The following LEPR variants were observed in gnomAD, a reference collection of about 807,000 sequenced individuals.
LEPR encodes OB receptor.
In LEPR, 56 loss-of-function variants were observed where a neutral mutation model predicts 114.7. That is an observed-to-expected ratio of 0.49 (90% CI 0.39 to 0.61). LEPR has a LOEUF of 0.61. Among genes scored for constraint, LEPR ranks in the 20% least tolerant of loss-of-function variants. LEPR has a pLI of 0.00. For missense variants in LEPR, 1,202 were observed against 1,352.9 expected, an observed-to-expected ratio of 0.89 and a Z score of 1.75; for synonymous variants, 443 against 461.4, an observed-to-expected ratio of 0.96 and a Z score of 0.51.
chr1:65,454,516 G>A (rs1316525062), intron 2 of LEPR, among the ~76,000 whole-genome samples: 2 of 152,054 alleles, frequency 1.3e-5, no homozygotes, highest in Non-Finnish European at 2.9e-5. Context: ...TGTCTGTAAA[G>A]TATTTTATTT....
chr1:65,520,395 C>T (rs1166823013), intron 2 of LEPR, among the ~76,000 whole-genome samples: 4 of 152,148 alleles, frequency 2.6e-5, no homozygotes, highest in East Asian at 1.9e-4. Flanking sequence ...TTATTATTTT[C>T]GCATCCCTCT....
intron 2 of LEPR, among the ~76,000 whole-genome samples, chr1:65,516,838 C>T (rs1649311334): frequency 6.6e-6 from 1 of 152,134 alleles, no homozygotes; most frequent in Non-Finnish European, 1.5e-5. Context: ...ATGTAAGTGC[C>T]TCTGTACCCA....
chr1:65,596,506 G>C lies in LEPR; in HGVS notation c.762G>C (p.Lys254Asn), dbSNP rs1656074209. 1 of 1,612,772 alleles carries C rather than the reference G, an allele frequency of 6.2e-7. No individual in the cohort carries two copies. The highest frequency in any genetic ancestry group is 1.1e-5 in the South Asian group (1 of 91,044). Residue 254 changes from lysine (K) to asparagine (N), a missense_variant, in exon 7 of 20, where the codon AAG becomes AAC. Lys to Asn is a moderately conservative substitution (Grantham distance 94, BLOSUM62 0). Transcript: ENST00000349533. ...HMEITDDGNL[K>N]ISWSSPPLVP... is the part of the protein sequence containing the mutation. ...AAATCACAGATGATGGTAATTTAAA[G>C]ATTTCTTGGTCCAGCCCACCATTGG...
intron 2 of LEPR, among the ~76,000 whole-genome samples, chr1:65,484,095 G>A (rs1647353286): frequency 6.6e-6 from 1 of 151,910 alleles, no homozygotes; most frequent in South Asian, 2.1e-4. Context: ...AGCTTCAAGA[G>A]ATCCTCTTGC....
intron 10 of LEPR, among the ~76,000 whole-genome samples, chr1:65,603,339 A>G (rs1656578952): frequency 7.1e-6 from 1 of 140,158 alleles, no homozygotes; most frequent in Admixed American, 7.4e-5. Context: ...TTGCCCACGC[A>G]CCACCATTTA....
At chr1:65,429,977 G>T (rs1229840242) in intron 2 of LEPR, 6 of 1,578,280 alleles carry the variant, frequency 3.8e-6, no homozygotes, top group East Asian at 2.3e-5. Flanking sequence ...TCGGGAACTG[G>T]CATATTTCTT....
chr1:65,438,113 C>CTTTTTT lies in LEPR; in HGVS notation c.-21+12751_-21+12756dup, dbSNP rs36053447. On this transcript the variant is annotated intron_variant, in intron 2 of 19. Transcript: ENST00000349533. ...GGTATGGGCCATGGCTCCTAGCCGC[C>CTTTTTT]TTTTTTTTTTTTTTTTTTTTTCAAA... Among the ~76,000 whole-genome samples, 8 of 87,752 alleles carry CTTTTTT rather than the reference C, an allele frequency of 9.1e-5. 2 individuals are homozygous for CTTTTTT. Among genetic ancestry groups the CTTTTTT allele is most frequent in the African/African-American group, 1.4e-4 (3 of 21,062 alleles). The allele number at this position is 87,752 out of a possible 152,430, so 57.6% of individuals were successfully genotyped here. A position where few individuals can be genotyped will look rare whatever the true frequency, so the allele number is the denominator to read the frequency against.
At chr1:65,429,907 C>A in intron 2 of LEPR, 1 of 1,540,060 alleles carries the variant, frequency 6.5e-7, no homozygotes, top group South Asian at 1.2e-5. Flanking sequence ...CCATCTCCCC[C>A]ATCCCCCATT....
rs923920585 is a variant in LEPR, at chr1:65,486,830, C to T, written c.-21+61452C>T. ...GGTGGGCCATATGGCTGTCCAGATA[C>T]CTGATGGCTTTCCAGCCCGTGGCTC... is the stretch of plus-strand genomic sequence containing the variant. On this transcript the variant is annotated intron_variant, in intron 2 of 19. Transcript: ENST00000349533. Among the ~76,000 whole-genome samples the T allele has an allele frequency of 2.0e-5, 3 of 152,124 alleles. 1 individual carries two copies. Among genetic ancestry groups the T allele is most frequent in the African/African-American group, 4.8e-5 (2 of 41,432 alleles).
intron 2 of LEPR, among the ~76,000 whole-genome samples, chr1:65,536,271 T>C (rs1275666224): frequency 1.3e-5 from 2 of 152,186 alleles, no homozygotes; most frequent in African/African-American, 2.4e-5. Flanking sequence ...GCTTCCATGC[T>C]GTCACTATGT....
Position 65,538,869 on chromosome 1 carries a change from ATGTGCCTTTTATCTCT to A in LEPR, c.-20-26660_-20-26645del, listed in dbSNP as rs568958697. ...CACTTGTGCCTTTTATCTCTGGGAAATGTGCCTTTTATCTCTTGTGCCTTTTATCTCTGGAAACACT... is the reference window on the plus strand; with the variant it reads ...CACTTGTGCCTTTTATCTCTGGGAAATGTGCCTTTTATCTCTGGAAACACT... On this transcript the variant is annotated intron_variant, in intron 2 of 19. Coordinates refer to ENST00000349533, the MANE Select transcript of LEPR (RefSeq NM_002303.6). Among the ~76,000 whole-genome samples, 9 of 151,870 alleles carry A rather than the reference ATGTGCCTTTTATCTCT, an allele frequency of 5.9e-5. No individual in the cohort carries two copies. The East Asian group carries it at 9.7e-4, about 16-fold the overall frequency.
At chr1:65,580,790 A>T (rs1159094360) in intron 5 of LEPR, among the ~76,000 whole-genome samples, 1 of 152,226 alleles carries the variant, frequency 6.6e-6, no homozygotes, top group East Asian at 1.9e-4. Flanking sequence ...GGAAACAAGT[A>T]CTAGGGATAT....
chr1:65,467,163 G>C (rs1157070240), intron 2 of LEPR, among the ~76,000 whole-genome samples: 1 of 152,024 alleles, frequency 6.6e-6, no homozygotes, highest in Admixed American at 6.6e-5. Context: ...CCATCTTTGT[G>C]GTTTTATCTA....
At chr1:65,553,000 C>T (rs752861407) in intron 2 of LEPR, among the ~76,000 whole-genome samples, 2 of 152,100 alleles carry the variant, frequency 1.3e-5, no homozygotes, top group African/African-American at 4.8e-5. Flanking sequence ...GATATGAAAT[C>T]CTGGGTTGAA....
chr1:65,511,095 G>A (rs1430223388), intron 2 of LEPR, among the ~76,000 whole-genome samples: 2 of 152,242 alleles, frequency 1.3e-5, no homozygotes, highest in South Asian at 2.1e-4. Context: ...GAAAGTTCTC[G>A]TGTACTGTAC....
intron 2 of LEPR, among the ~76,000 whole-genome samples, chr1:65,552,096 T>C (rs1652422290): frequency 1.3e-5 from 2 of 152,220 alleles, no homozygotes; most frequent in African/African-American, 2.4e-5. Context: ...TCTGTTCTTT[T>C]GCATTTGCTG....
At chr1:65,421,379 A>G (rs1646246831) in intron 1 of LEPR, 5 of 1,535,968 alleles carry the variant, frequency 3.3e-6, no homozygotes, top group African/African-American at 1.4e-5. Flanking sequence ...GGCAGTTGGT[A>G]AAAACACCGC....
intron 19 of LEPR, chr1:65,626,461 A>G (rs1013179126): frequency 1.9e-5 from 5 of 258,666 alleles, no homozygotes; most frequent in East Asian, 1.8e-4. Flanking sequence ...TTAGTTTATT[A>G]CTAGGGCTGA....
chr1:65,480,108 A>C (rs1182423394), intron 2 of LEPR, among the ~76,000 whole-genome samples: 1 of 152,146 alleles, frequency 6.6e-6, no homozygotes, highest in Non-Finnish European at 1.5e-5. Flanking sequence ...CCACCACACC[A>C]ATGGACAATG....
Sources: allele counts gnomAD v4.1 joint callset (sites outside exome capture counted in the v4.1 genomes callset), GRCh38; gene constraint gnomAD v4.1.1; transcripts MANE v1.5; gene names NCBI Gene and HGNC (gene_info 2026-07-23, HGNC 2026-07-21).